ZNF423: variants seen among roughly 807,000 people sequenced by gnomAD.
The protein encoded by ZNF423 is Ebf-associated zinc finger protein.
ZNF423 carries 12 observed loss-of-function variants against 95.8 expected under a neutral mutation model. The observed-to-expected ratio is 0.13, with a 90% confidence interval of 0.08 to 0.20. ZNF423 has a LOEUF of 0.20. Among genes scored for constraint, ZNF423 ranks in the 10% least tolerant of loss-of-function variants. The pLI is 1.00. For missense variants in ZNF423, 1,316 were observed against 1,737.1 expected (o/e 0.76, Z 4.31); for synonymous variants, 749 against 711.9 (o/e 1.05, Z -0.83).
At chr16:49,615,737 C>A (rs551459689) in intron 5 of ZNF423, among the ~76,000 whole-genome samples, 71 of 152,276 alleles carry the variant, frequency 4.7e-4, no homozygotes, top group African/African-American at 1.6e-3. Flanking sequence ...AGGAGCATCA[C>A]CCAGTTAAGC....
chr16:49,637,089 G>A lies in ZNF423; in HGVS notation c.2087C>T (p.Thr696Met), dbSNP rs753774180. Residue 696 changes from threonine to methionine, a missense_variant, in exon 4 of 8, where the codon ACG becomes ATG. Physicochemically the swap from Thr to Met is moderately conservative, Grantham distance 81 (BLOSUM62 -1). Coordinates refer to ENST00000563137, the MANE Select transcript of ZNF423 (RefSeq NM_001379286.1). The surrounding 1 kb of genome is among the most constrained non-coding windows in gnomAD (Gnocchi z 5.6). ...GCTCTCGCACACATAGTGGGTCGAC[G>A]TGGTCATGTAATGCACTGTCAGGTG... Reference protein sequence around the residue: ...LQHLTVHYMTTSTHYVCESCD... With the variant: ...LQHLTVHYMTMSTHYVCESCD... 23 of 1,613,628 alleles carry A rather than the reference G, an allele frequency of 1.4e-5. No individual in the cohort carries two copies. Among genetic ancestry groups the A allele is most frequent in the South Asian group, 1.2e-4 (11 of 91,088 alleles).
At chr16:49,540,301 C>T (rs1006370168) in intron 5 of ZNF423, among the ~76,000 whole-genome samples, 14 of 152,136 alleles carry the variant, frequency 9.2e-5, no homozygotes, top group Non-Finnish European at 1.8e-4. Context: ...TGTTTTGTTT[C>T]GTTCTGTTTT....
intron 2 of ZNF423, chr16:49,764,465 C>G (rs1424026725): frequency 1.3e-5 from 2 of 154,022 alleles, no homozygotes; most frequent in East Asian, 3.9e-4. Context: ...GGCAAAACAT[C>G]TGGAGTTCAT....
At chr16:49,748,398 T>G (rs992978874) in intron 2 of ZNF423, among the ~76,000 whole-genome samples, 7 of 152,172 alleles carry the variant, frequency 4.6e-5, no homozygotes, top group Admixed American at 1.3e-4. Context: ...GTGGGTATGC[T>G]GAGATTGTGA....
At chr16:49,628,883 G>C (rs1268876755) in intron 4 of ZNF423, among the ~76,000 whole-genome samples, 1 of 152,204 alleles carries the variant, frequency 6.6e-6, no homozygotes, top group Non-Finnish European at 1.5e-5. Flanking sequence ...AAACACCCCA[G>C]GGACAGAGGT....
rs144104728 is a variant in ZNF423, at chr16:49,656,372, G to T, written c.302-17498C>A. On this transcript the variant is annotated intron_variant, in intron 3 of 7. Coordinates refer to ENST00000563137, the MANE Select transcript of ZNF423 (RefSeq NM_001379286.1). ...CTAAAATTATAAAAATTAGCCAGGT[G>T]TGGTGGTGCACGCCTGTAACCCCAA... Among the ~76,000 whole-genome samples the T allele has an allele frequency of 8.2e-4, 125 of 152,210 alleles. 1 individual carries two copies. The highest frequency in any genetic ancestry group is 2.6e-3 in the African/African-American group (107 of 41,540).
At chr16:49,645,047 A>G (rs1237542355) in intron 3 of ZNF423, among the ~76,000 whole-genome samples, 1 of 152,206 alleles carries the variant, frequency 6.6e-6, no homozygotes, top group Non-Finnish European at 1.5e-5. Context: ...CATCAAGACC[A>G]TCTTCATGAT....
At chr16:49,551,577 G>A (rs1405506867) in intron 5 of ZNF423, among the ~76,000 whole-genome samples, 1 of 152,218 alleles carries the variant, frequency 6.6e-6, no homozygotes, top group African/African-American at 2.4e-5. Context: ...TGGCAGCATG[G>A]GGGCAAAGGA....
intron 2 of ZNF423, among the ~76,000 whole-genome samples, chr16:49,749,341 G>A (rs2033588739): frequency 6.6e-6 from 1 of 152,218 alleles, no homozygotes; most frequent in South Asian, 2.1e-4. Flanking sequence ...CGGCCAGCCT[G>A]TGGTCTTACC....
In ZNF423 at chr16:49,494,814, G is replaced by A. The variant is rs1041631788; in HGVS notation, c.3850-3510C>T. ...CAGTTCAATAACCGTGAAAGAACCCGTGGTCCGTCCCCCACAGCTAGAAGC... is the reference window on the plus strand; with the variant it reads ...CAGTTCAATAACCGTGAAAGAACCCATGGTCCGTCCCCCACAGCTAGAAGC... On this transcript the variant is annotated intron_variant, in intron 7 of 7. Coordinates refer to ENST00000563137, the MANE Select transcript of ZNF423 (RefSeq NM_001379286.1). Among the ~76,000 whole-genome samples the A allele has an allele frequency of 1.3e-4, 20 of 152,336 alleles. No homozygotes were observed. The South Asian group carries it at 1.5e-3, about 11-fold the overall frequency.
intron 1 of ZNF423, among the ~76,000 whole-genome samples, chr16:49,793,000 G>A (rs112608236): frequency 0.087 from 13,248 of 152,042 alleles, 705 homozygotes; most frequent in Middle Eastern, 0.15. Flanking sequence ...AAACTCCTGG[G>A]CTCAAGTGAT....
At chr16:49,722,818 C>T (rs2032904267) in intron 3 of ZNF423, among the ~76,000 whole-genome samples, 4 of 152,200 alleles carry the variant, frequency 2.6e-5, no homozygotes, top group Non-Finnish European at 5.9e-5. Flanking sequence ...GACCCCAAGC[C>T]TGGACATCAT....
chr16:49,680,726 C>G (rs778581805), intron 3 of ZNF423, among the ~76,000 whole-genome samples: 10 of 152,200 alleles, frequency 6.6e-5, no homozygotes, highest in Non-Finnish European at 1.2e-4. Context: ...GTGAAGTGGC[C>G]GGACTTCATG....
rs951762124 is a variant in ZNF423, at chr16:49,492,340, C to T, written c.3850-1036G>A. ...CCCCGGGAGAGGCTCCTTCTGGGCG[C>T]CCCCCAGGGCCCGGCGACTCCTGCA... On this transcript the variant is annotated intron_variant, in intron 7 of 7. Coordinates refer to ENST00000563137, the MANE Select transcript of ZNF423 (RefSeq NM_001379286.1). The surrounding 1 kb of genome is among the most constrained non-coding windows in gnomAD (Gnocchi z 4.2). 6.6e-6 allele frequency among the ~76,000 whole-genome samples: 1 copy of T among 152,176 alleles called. No homozygotes were observed. Among genetic ancestry groups the T allele is most frequent in the Non-Finnish European group, 1.5e-5 (1 of 68,004 alleles).
chr16:49,691,176 C>G (rs1308497563), intron 3 of ZNF423, among the ~76,000 whole-genome samples: 1 of 152,230 alleles, frequency 6.6e-6, no homozygotes, highest in Non-Finnish European at 1.5e-5. Flanking sequence ...TCAAAGCCCT[C>G]GCCCTCTTGG....
At chr16:49,796,386 C>T (rs1396587042) in intron 1 of ZNF423, among the ~76,000 whole-genome samples, 3 of 152,196 alleles carry the variant, frequency 2.0e-5, no homozygotes, top group South Asian at 2.1e-4. Context: ...AGAGTAATGC[C>T]CTCCACCCAG....
At chr16:49,573,950 C>T (rs962140938) in intron 5 of ZNF423, among the ~76,000 whole-genome samples, 3 of 152,326 alleles carry the variant, frequency 2.0e-5, no homozygotes, top group Admixed American at 6.5e-5. Flanking sequence ...ATCATCCCCA[C>T]GCCTTCATCC....
At chr16:49,510,359 G>C (rs892379618) in intron 7 of ZNF423, among the ~76,000 whole-genome samples, 1 of 152,104 alleles carries the variant, frequency 6.6e-6, no homozygotes. Context: ...CCTCATTTCT[G>C]GGGGGTGGAC....
chr16:49,634,404 C>T (rs1972610470), intron 4 of ZNF423, among the ~76,000 whole-genome samples: 2 of 152,096 alleles, frequency 1.3e-5, no homozygotes, highest in Admixed American at 1.3e-4. Flanking sequence ...CGGACGGGTC[C>T]CCTGGCCCTC....
Sources: allele counts gnomAD v4.1 joint callset (sites outside exome capture counted in the v4.1 genomes callset), GRCh38; gene constraint gnomAD v4.1.1; non-coding constraint Gnocchi (gnomAD v3.1); transcripts MANE v1.5; gene names NCBI Gene and HGNC (gene_info 2026-07-23, HGNC 2026-07-21).